The following LRRIQ1 variants were observed in gnomAD, a reference collection of about 807,000 sequenced individuals.
The protein encoded by LRRIQ1 is leucine rich repeats and IQ motif containing 1.
LRRIQ1 carries 210 observed loss-of-function variants against 211.9 expected under a neutral mutation model. The observed-to-expected ratio is 0.99, with a 90% confidence interval of 0.89 to 1.11. The LOEUF (loss-of-function observed/expected upper bound fraction) is 1.11, where lower values mean the gene tolerates loss of function less well. Among genes scored for constraint, LRRIQ1 ranks in the 50% most tolerant of loss-of-function variants. The pLI is 0.00. For synonymous variants in LRRIQ1, 699 were observed against 650.1 expected (o/e 1.08, Z -1.14); for missense variants, 2,136 against 1,939.5 (o/e 1.10, Z -1.90).
At chr12:85,154,583 A>G (rs1485481896) in intron 23 of LRRIQ1, among the ~76,000 whole-genome samples, 2 of 151,392 alleles carry the variant, frequency 1.3e-5, no homozygotes, top group Non-Finnish European at 3.0e-5. Context: ...GAAATGTTCT[A>G]AAGCATCTTT....
intron 26 of LRRIQ1, 28 bp from the exon 27 acceptor site, chr12:85,244,761 T>C (rs1256869513): frequency 6.3e-7 from 1 of 1,598,334 alleles, no homozygotes. Flanking sequence ...GTTTCATGAT[T>C]GTATACATTC....
chr12:85,045,360 C>T (rs1879410701), intron 4 of LRRIQ1, among the ~76,000 whole-genome samples: 1 of 151,850 alleles, frequency 6.6e-6, no homozygotes, highest in Non-Finnish European at 1.5e-5. Flanking sequence ...TTTTATCCAG[C>T]TTTCTCTCCT....
chr12:85,118,982 G>T (rs1032293073), intron 15 of LRRIQ1, among the ~76,000 whole-genome samples: 2 of 151,976 alleles, frequency 1.3e-5, no homozygotes, highest in Admixed American at 6.6e-5. Context: ...CACCAGAGAG[G>T]TATATTTGTC....
At chr12:85,081,085 T>C (rs1884233799) in intron 11 of LRRIQ1, among the ~76,000 whole-genome samples, 1 of 152,162 alleles carries the variant, frequency 6.6e-6, no homozygotes, top group African/African-American at 2.4e-5. Flanking sequence ...ATTCTTACTC[T>C]TAAGGGATAG....
chr12:85,206,413 T>C (rs1893547598), intron 24 of LRRIQ1, among the ~76,000 whole-genome samples: 1 of 152,086 alleles, frequency 6.6e-6, no homozygotes, highest in South Asian at 2.1e-4. Flanking sequence ...GCCACTGGTG[T>C]CTGTGTTTGT....
chr12:85,246,645 C>G (rs926062269), downstream of LRRIQ1, among the ~76,000 whole-genome samples: 1 of 151,354 alleles, frequency 6.6e-6, no homozygotes, highest in Non-Finnish European at 1.5e-5. Context: ...CATTTTAACA[C>G]ATTCTCCAAG....
Position 85,245,073 on chromosome 12 carries a change from A to T in LRRIQ1, c.*132A>T, listed in dbSNP as rs1895657515. 1 of 1,319,182 alleles carries T rather than the reference A, an allele frequency of 7.6e-7. No homozygotes were observed. Among genetic ancestry groups the T allele is most frequent in the African/African-American group, 1.5e-5 (1 of 65,884 alleles). 81.7% of individuals were successfully genotyped at this position (1,319,182 alleles called of 1,614,324 possible). ...TTCTTTCTTTAAATATCCTCTTTTG[A>T]TATAAACAAAATTAAATTATTTCTA... is the stretch of plus-strand genomic sequence containing the variant. On this transcript the variant is annotated 3_prime_UTR_variant, in exon 27 of 27. Coordinates refer to ENST00000393217, the MANE Select transcript of LRRIQ1 (RefSeq NM_001079910.2).
chr12:85,095,080 C>G (rs570125800), intron 11 of LRRIQ1, among the ~76,000 whole-genome samples: 2 of 151,996 alleles, frequency 1.3e-5, no homozygotes, highest in Non-Finnish European at 2.9e-5. Context: ...TATTTTACTT[C>G]TTTTTGTGTG....
At chr12:85,199,137 T>A (rs1400177949) in intron 24 of LRRIQ1, among the ~76,000 whole-genome samples, 1 of 152,188 alleles carries the variant, frequency 6.6e-6, no homozygotes. Context: ...TTATTAAGTA[T>A]TTGTTTTTGT....
intron 24 of LRRIQ1, among the ~76,000 whole-genome samples, chr12:85,189,235 G>C (rs1592941342): frequency 6.6e-6 from 1 of 152,024 alleles, no homozygotes; most frequent in Admixed American, 6.6e-5. Context: ...GAAGAAAAGA[G>C]CAAATGGCTA....
Position 85,228,317 on chromosome 12 carries a change from T to A in LRRIQ1, c.4823-1200T>A, listed in dbSNP as rs1000013502. 2.6e-5 allele frequency among the ~76,000 whole-genome samples: 4 copies of A among 152,070 alleles called. No homozygotes were observed. In the East Asian group the frequency reaches 7.7e-4, roughly 29 times the overall value. The stretch of plus-strand genomic sequence containing the variant: ...CCAGAATCTACAAAGAACTTTTGTA[T>A]AATTATAAGGCTATTTATGAAAATG... On this transcript the variant is annotated intron_variant, in intron 24 of 26. Coordinates refer to ENST00000393217, the MANE Select transcript of LRRIQ1 (RefSeq NM_001079910.2).
chr12:85,040,255 A>C (rs908066124), intron 2 of LRRIQ1, among the ~76,000 whole-genome samples: 1 of 151,676 alleles, frequency 6.6e-6, no homozygotes, highest in Non-Finnish European at 1.5e-5. Flanking sequence ...AGTGATGTGT[A>C]GGTAACTCTT....
At chr12:85,230,118 A>T (rs1309632750) in intron 25 of LRRIQ1, among the ~76,000 whole-genome samples, 1 of 152,200 alleles carries the variant, frequency 6.6e-6, no homozygotes, top group Admixed American at 6.5e-5. Flanking sequence ...ATTCTAACTC[A>T]TGGCGTACAG....
intron 19 of LRRIQ1, among the ~76,000 whole-genome samples, chr12:85,151,524 A>C (rs1423200049): frequency 1.3e-5 from 2 of 151,722 alleles, no homozygotes; most frequent in Non-Finnish European, 2.9e-5. Context: ...GAAACATAGA[A>C]ATTAATTCTA....
intron 19 of LRRIQ1, among the ~76,000 whole-genome samples, chr12:85,140,372 G>A (rs1483066938): frequency 4.2e-5 from 6 of 144,294 alleles, no homozygotes; most frequent in South Asian, 2.2e-4. Flanking sequence ...TGTTCGTAGT[G>A]GTCTTGTACA....
At chr12:85,202,222 T>C (rs1485635786) in intron 24 of LRRIQ1, among the ~76,000 whole-genome samples, 1 of 152,148 alleles carries the variant, frequency 6.6e-6, no homozygotes, top group African/African-American at 2.4e-5. Context: ...TGTGGTCAGT[T>C]TTAGAGTATG....
intron 11 of LRRIQ1, among the ~76,000 whole-genome samples, chr12:85,088,966 T>C (rs945073453): frequency 6.6e-6 from 1 of 152,200 alleles, no homozygotes; most frequent in African/African-American, 2.4e-5. Flanking sequence ...GGCCAAAACT[T>C]CCAACACTGT....
At chr12:85,082,348 T>C (rs2136174426) in intron 11 of LRRIQ1, among the ~76,000 whole-genome samples, 1 of 152,318 alleles carries the variant, frequency 6.6e-6, no homozygotes, top group South Asian at 2.1e-4. Flanking sequence ...TTTGCGGTTA[T>C]GCACCTTTAC....
intron 24 of LRRIQ1, among the ~76,000 whole-genome samples, chr12:85,170,906 A>G (rs1891385891): frequency 6.6e-6 from 1 of 152,106 alleles, no homozygotes; most frequent in African/African-American, 2.4e-5. Flanking sequence ...CTAGCCTCTT[A>G]CCTGAAACAA....
Sources: allele counts gnomAD v4.1 joint callset (sites outside exome capture counted in the v4.1 genomes callset), GRCh38; gene constraint gnomAD v4.1.1; transcripts MANE v1.5; gene names NCBI Gene and HGNC (gene_info 2026-07-23, HGNC 2026-07-21).